The following STXBP6 variants were observed in gnomAD, a reference collection of about 807,000 sequenced individuals.
STXBP6 encodes the protein syntaxin binding protein 6.
Under a neutral mutation model 26.9 loss-of-function variants are expected in STXBP6, and 21 were observed. The observed-to-expected ratio is 0.78, with a 90% CI of 0.55 to 1.12. The LOEUF is 1.12. Among genes scored for constraint, STXBP6 ranks in the 50% most tolerant of loss-of-function variants. STXBP6 has a pLI of 0.00. For missense variants in STXBP6, 232 were observed against 257.9 expected (o/e 0.90, Z 0.69); for synonymous variants, 97 against 92.6 (o/e 1.05, Z -0.27).
intron 2 of STXBP6, among the ~76,000 whole-genome samples, chr14:24,900,071 C>G (rs1297945573): frequency 6.6e-6 from 1 of 152,158 alleles, no homozygotes; most frequent in African/African-American, 2.4e-5. Flanking sequence ...TTTACAAACA[C>G]TAAGAAAGAT....
chr14:24,983,829 C>G (rs1476026813), intron 1 of STXBP6, among the ~76,000 whole-genome samples: 1 of 151,984 alleles, frequency 6.6e-6, no homozygotes, highest in Non-Finnish European at 1.5e-5. Flanking sequence ...AAATAATGAG[C>G]CTTTAAAGAA....
In STXBP6 at chr14:24,940,993, C is replaced by T. The variant is rs577082086; in HGVS notation, c.154+33672G>A. Among the ~76,000 whole-genome samples the T allele has an allele frequency of 5.3e-5, 8 of 152,142 alleles. No individual in the cohort carries two copies. In the East Asian group the frequency reaches 7.8e-4, roughly 15 times the overall value. ...TTGCGCCACTGCACTCCAGCCTGGG[C>T]GACAGAGCAAGACTCTATCTTGGAA... On this transcript the variant is annotated intron_variant, in intron 2 of 5. Coordinates refer to ENST00000323944, the MANE Select transcript of STXBP6 (RefSeq NM_001394410.1).
chr14:24,934,961 T>A (rs540330051), intron 2 of STXBP6, among the ~76,000 whole-genome samples: 1 of 152,270 alleles, frequency 6.6e-6, no homozygotes, highest in African/African-American at 2.4e-5. Flanking sequence ...TTTACATTTA[T>A]AACATTAATG....
At chr14:24,897,710 G>T (rs966900415) in intron 2 of STXBP6, among the ~76,000 whole-genome samples, 1 of 152,184 alleles carries the variant, frequency 6.6e-6, no homozygotes, top group Non-Finnish European at 1.5e-5. Flanking sequence ...AACAACAGGA[G>T]AGGTTTAGTA....
Position 25,013,466 on chromosome 14 carries a change from TCACACACACACACA to T in STXBP6, c.-33+36398_-33+36411del, listed in dbSNP as rs3219652. On this transcript the variant is annotated intron_variant, in intron 1 of 5. Coordinates refer to ENST00000323944, the MANE Select transcript of STXBP6 (RefSeq NM_001394410.1). ...ACCATTGGCTATCAACATCTCTCTT[TCACACACACACACA>T]CACACACACACACACACACACACCC... 5.6e-3 allele frequency among the ~76,000 whole-genome samples: 802 copies of T among 143,332 alleles called. 8 individuals carry two copies. Among genetic ancestry groups the T allele is most frequent in the African/African-American group, 0.02 (772 of 39,044 alleles). The allele number at this position is 143,332 out of a possible 152,430, so 94.0% of individuals were successfully genotyped here. A position where few individuals can be genotyped will look rare whatever the true frequency, so the allele number is the denominator to read the frequency against.
At chr14:24,921,468 A>C (rs892824016) in intron 2 of STXBP6, among the ~76,000 whole-genome samples, 4 of 152,122 alleles carry the variant, frequency 2.6e-5, no homozygotes, top group Admixed American at 2.6e-4. Flanking sequence ...GCTTAATTCA[A>C]CCTATATAAT....
At chr14:24,898,658 T>C (rs753561011) in intron 2 of STXBP6, among the ~76,000 whole-genome samples, 33 of 151,830 alleles carry the variant, frequency 2.2e-4, no homozygotes, top group South Asian at 4.2e-4. Context: ...GACTGGGCAA[T>C]AGAGGGATAC....
In STXBP6 at chr14:24,970,240, C is replaced by CA. The variant is rs59422065; in HGVS notation, c.154+4424dup. 5.1e-3 allele frequency among the ~76,000 whole-genome samples: 602 copies of CA among 117,822 alleles called. 4 individuals carry two copies. Among genetic ancestry groups the CA allele is most frequent in the Middle Eastern group, 9.4e-3 (2 of 212 alleles). The allele number at this position is 117,822 out of a possible 152,430, so 77.3% of individuals were successfully genotyped here. On this transcript the variant is annotated intron_variant, in intron 2 of 5. Coordinates refer to ENST00000323944, the MANE Select transcript of STXBP6 (RefSeq NM_001394410.1). ...TGGGCAACAGAACGAGACTCCGTCT[C>CA]AAAAAAAAAAAAAATCAATTTCATT...
At position 24,945,139 on chromosome 14, in the gene STXBP6, A is replaced by ATTTTTTTTTTTTTTTTTTTTTTTTTTTT. The variant is rs552562019; in HGVS notation, c.154+29525_154+29526insAAAAAAAAAAAAAAAAAAAAAAAAAAAA. Among the ~76,000 whole-genome samples, 5 of 100,714 alleles carry ATTTTTTTTTTTTTTTTTTTTTTTTTTTT rather than the reference A, an allele frequency of 5.0e-5. 2 individuals carry two copies. The highest frequency in any genetic ancestry group is 1.1e-4 in the African/African-American group (3 of 27,536). 66.1% of individuals were successfully genotyped at this position (100,714 alleles called of 152,430 possible). A position where few individuals can be genotyped will look rare whatever the true frequency, so the allele number is the denominator to read the frequency against. On this transcript the variant is annotated intron_variant, in intron 2 of 5. Coordinates refer to ENST00000323944, the MANE Select transcript of STXBP6 (RefSeq NM_001394410.1). ...TGGCATGTATATGAACCAATTAGGA[A>ATTTTTTTTTTTTTTTTTTTTTTTTTTTT]TTTTTTTTTTTTTTTTTTTTTTTTT...
chr14:24,864,219 G>A (rs1946806297), intron 2 of STXBP6, among the ~76,000 whole-genome samples: 1 of 152,114 alleles, frequency 6.6e-6, no homozygotes, highest in South Asian at 2.1e-4. Context: ...AATGTATTAA[G>A]TTTCTCCACA....
intron 2 of STXBP6, among the ~76,000 whole-genome samples, chr14:24,876,982 T>C (rs2070167569): frequency 6.6e-6 from 1 of 152,224 alleles, no homozygotes; most frequent in Admixed American, 6.5e-5. Flanking sequence ...CTCTTTAAGC[T>C]TGGCTTCCCT....
At chr14:24,974,427 C>T (rs921101479) in intron 2 of STXBP6, among the ~76,000 whole-genome samples, 3 of 152,162 alleles carry the variant, frequency 2.0e-5, no homozygotes, top group Admixed American at 6.5e-5. Context: ...AAACATTTTA[C>T]GAAAGCTCTT....
chr14:24,824,412 T>C (rs1285875358), intron 4 of STXBP6, among the ~76,000 whole-genome samples: 1 of 152,192 alleles, frequency 6.6e-6, no homozygotes, highest in East Asian at 1.9e-4. Flanking sequence ...AATAATAATT[T>C]AAGTAATCAT....
At chr14:24,971,900 G>A (rs541731034) in intron 2 of STXBP6, among the ~76,000 whole-genome samples, 27 of 152,030 alleles carry the variant, frequency 1.8e-4, no homozygotes, top group Non-Finnish European at 2.5e-4. Context: ...CGGTACCCAC[G>A]GAACATAGAA....
Position 24,822,200 on chromosome 14 carries a change from C to T in STXBP6, c.452-3006G>A, listed in dbSNP as rs75508453. The stretch of plus-strand genomic sequence containing the variant: ...TTTTTCCTTTGGGTCCCCTACTTAG[C>T]AAACAACCCCAATATCTGCCCAGGT... On this transcript the variant is annotated intron_variant, in intron 4 of 5. Transcript: ENST00000323944. 5.6e-3 allele frequency among the ~76,000 whole-genome samples: 856 copies of T among 152,234 alleles called. 11 individuals carry two copies. The highest frequency in any genetic ancestry group is 0.018 in the African/African-American group (743 of 41,542).
At chr14:25,047,928 C>A (rs1391954153) in intron 1 of STXBP6, among the ~76,000 whole-genome samples, 1 of 152,200 alleles carries the variant, frequency 6.6e-6, no homozygotes, top group Non-Finnish European at 1.5e-5. Context: ...TCTGACCGTG[C>A]CAATTCTGGG....
At chr14:24,995,614 T>A (rs1393101800) in intron 1 of STXBP6, among the ~76,000 whole-genome samples, 1 of 152,160 alleles carries the variant, frequency 6.6e-6, no homozygotes, top group African/African-American at 2.4e-5. Flanking sequence ...ATGGACTTCC[T>A]AACAAAACTG....
intron 4 of STXBP6, among the ~76,000 whole-genome samples, chr14:24,847,116 T>C (rs750963024): frequency 1.3e-4 from 20 of 152,158 alleles, no homozygotes; most frequent in Non-Finnish European, 5.9e-5. Flanking sequence ...TTTGACAAAT[T>C]ACTAAATGAC....
chr14:24,872,401 G>A (rs2069970147), intron 2 of STXBP6, among the ~76,000 whole-genome samples: 1 of 152,114 alleles, frequency 6.6e-6, no homozygotes, highest in Non-Finnish European at 1.5e-5. Flanking sequence ...CTTCATACCT[G>A]AAGTCAGTGA....
Sources: gnomAD v4.1 joint callset for allele counts (sites outside exome capture counted in the v4.1 genomes callset) on GRCh38, gnomAD v4.1.1 for gene constraint, MANE v1.5 for transcripts, NCBI Gene and HGNC (gene_info 2026-07-23, HGNC 2026-07-21) for gene names.